Variants in GPATCH2L observed in about 807,000 individuals in gnomAD.
GPATCH2L encodes the protein G patch domain-containing protein 2-like.
Under a neutral mutation model 57.4 loss-of-function variants are expected in GPATCH2L, and 31 were observed. The ratio of observed to expected loss-of-function variants is 0.54; its 90% confidence interval spans 0.41 to 0.73. The LOEUF is 0.73. Ranked by LOEUF, GPATCH2L falls within the 30% of genes least tolerant of loss-of-function variation. The pLI is 0.00. For synonymous variants in GPATCH2L, 199 were observed against 210.7 expected (o/e 0.94, Z 0.48); for missense variants, 481 against 599.9 (o/e 0.80, Z 2.07).
intron 9 of GPATCH2L, chr14:76,196,580 G>GT (rs1268988749): frequency 6.3e-6 from 1 of 157,562 alleles, no homozygotes; most frequent in African/African-American, 2.4e-5. Flanking sequence ...GATGAACTTG[G>GT]TGGGGGTGTG....
rs556656240 is a variant in GPATCH2L, at chr14:76,200,885, C to T, written c.1289-806C>T. Reference sequence around the variant, plus strand: ...CCATATTTTAGTATATATTTGTTCTCAGCAGAGTGGGTAGAGATGATGGTG... The same window carrying T: ...CCATATTTTAGTATATATTTGTTCTTAGCAGAGTGGGTAGAGATGATGGTG... On this transcript the variant is annotated intron_variant, in intron 9 of 9. Coordinates refer to ENST00000261530, the MANE Select transcript of GPATCH2L (RefSeq NM_017926.4). Among the ~76,000 whole-genome samples the T allele has an allele frequency of 4.5e-4, 68 of 152,236 alleles. No homozygotes were observed. The South Asian group carries it at 0.011, about 25-fold the overall frequency.
chr14:76,173,678 G>C (rs530845364), intron 5 of GPATCH2L, 53 bp downstream of exon 5: 1 of 1,092,614 alleles, frequency 9.2e-7, no homozygotes, highest in Admixed American at 1.7e-5. Context: ...ATTCCCTATG[G>C]GAGTTGTGTA....
chr14:76,154,179 G>A lies in GPATCH2L; in HGVS notation c.-10-175G>A. On this transcript the variant is annotated intron_variant, in intron 1 of 9. Transcript: ENST00000261530. The surrounding 1 kb of genome is among the most constrained non-coding windows in gnomAD (Gnocchi z 4.4). Reference sequence around the variant, plus strand: ...TTTTAGTGACTTAAGGAAGTGGTAGGAACAGAATCTAAGTGTAGCCAGATG... The same window carrying A: ...TTTTAGTGACTTAAGGAAGTGGTAGAAACAGAATCTAAGTGTAGCCAGATG... The A allele has an allele frequency of 3.6e-6, 2 of 562,192 alleles. No individual in the cohort carries two copies. Among genetic ancestry groups the A allele is most frequent in the Non-Finnish European group, 6.2e-6 (2 of 321,206 alleles). The allele number at this position is 562,192 out of a possible 1,614,324, so 34.8% of individuals were successfully genotyped here. A position where few individuals can be genotyped will look rare whatever the true frequency, so the allele number is the denominator to read the frequency against.
At position 76,189,247 on chromosome 14, in the gene GPATCH2L, A is replaced by C. The variant is rs534480229; in HGVS notation, c.1194-6631A>C. ...TTTTCCTATCTCTGTGAAGAATGTC[A>C]CTGGTATTTTGATAGGGATTGCATT... On this transcript the variant is annotated intron_variant, in intron 8 of 9. Transcript: ENST00000261530. Among the ~76,000 whole-genome samples the C allele has an allele frequency of 2.4e-4, 37 of 152,152 alleles. 1 individual carries two copies. In the South Asian group the frequency reaches 7.5e-3, roughly 31 times the overall value.
At chr14:76,222,399 G>A (rs995355717) in intron 1 of GPATCH2L, among the ~76,000 whole-genome samples, 1 of 152,178 alleles carries the variant, frequency 6.6e-6, no homozygotes, top group African/African-American at 2.4e-5. Context: ...TTAAGTCCAG[G>A]AGTTCAAGAC....
intron 2 of GPATCH2L, 141 bp downstream of exon 2, chr14:76,155,166 GTTTAGCTTT>G (rs1056881490): frequency 4.9e-5 from 32 of 652,358 alleles, no homozygotes; most frequent in Non-Finnish European, 8.0e-5. Flanking sequence ...TCAATCAGTA[GTTTAGCTTT>G]TTAAGGTACC....
In GPATCH2L at chr14:76,194,484, A is replaced by AGTGTGTGTGTGTGTGTGT. The variant is rs59406744; in HGVS notation, c.1194-1390_1194-1373dup. ...AGCTTTTGCTATTTAGAGACATGAA[A>AGTGTGTGTGTGTGTGTGT]GTGTGTGTGTGTGTGTGTGTGCACG... On this transcript the variant is annotated intron_variant, in intron 8 of 9. Transcript: ENST00000261530. 5.7e-3 allele frequency among the ~76,000 whole-genome samples: 868 copies of AGTGTGTGTGTGTGTGTGT among 151,144 alleles called. 8 individuals are homozygous for AGTGTGTGTGTGTGTGTGT. The highest frequency in any genetic ancestry group is 0.015 in the African/African-American group (626 of 41,094).
intron 2 of GPATCH2L, among the ~76,000 whole-genome samples, chr14:76,157,187 T>G (rs1180837768): frequency 6.6e-6 from 1 of 152,216 alleles, no homozygotes; most frequent in Non-Finnish European, 1.5e-5. Flanking sequence ...CCCCTTGACT[T>G]GTCTCGATTC....
At chr14:76,190,197 A>G (rs2139773724) in intron 8 of GPATCH2L, among the ~76,000 whole-genome samples, 1 of 152,110 alleles carries the variant, frequency 6.6e-6, no homozygotes, top group African/African-American at 2.4e-5. Context: ...AGTTTTAACA[A>G]CTCACCTGAT....
intron 7 of GPATCH2L, 114 bp downstream of exon 7, chr14:76,178,156 A>T (rs2039414666): frequency 7.8e-7 from 1 of 1,289,210 alleles, no homozygotes; most frequent in East Asian, 2.4e-5. Flanking sequence ...TTCAACTGTG[A>T]TCATTAGTTT....
Position 76,172,886 on chromosome 14 carries a change from G to C in GPATCH2L, c.905-660G>C, listed in dbSNP as rs534635177. On this transcript the variant is annotated intron_variant, in intron 4 of 9. Transcript: ENST00000261530. ...CATGGCGAACCAGCAGTTGGTGCTT[G>C]GTAAAGACTAGCTGAGGCACACATT... Among the ~76,000 whole-genome samples the C allele has an allele frequency of 2.0e-4, 30 of 152,288 alleles. 1 individual carries two copies. The highest frequency in any genetic ancestry group is 6.7e-4 in the African/African-American group (28 of 41,554).
intron 3 of GPATCH2L, among the ~76,000 whole-genome samples, chr14:76,170,412 G>T (rs1445629442): frequency 6.6e-6 from 1 of 152,190 alleles, no homozygotes; most frequent in African/African-American, 2.4e-5. Context: ...ATAAACTCTA[G>T]TGGAAACTGA....
At position 76,180,832 on chromosome 14, in the gene GPATCH2L, A is replaced by C; in HGVS notation, c.1176A>C (p.Pro392=). ...LADASHRRCS[P]AHCSARQANV... ...ATGCTTCTCACCGAAGGTGTTCACC[A>C]GCACACTGCTCTGCCAGGTAATTGT... The change falls in exon 8 of 10, where the codon CCA becomes CCC. Residue 392 remains proline (P), a synonymous_variant. Coordinates refer to ENST00000261530, the MANE Select transcript of GPATCH2L (RefSeq NM_017926.4). 3 of 1,609,184 alleles carry C rather than the reference A, an allele frequency of 1.9e-6. No individual in the cohort carries two copies. Among genetic ancestry groups the C allele is most frequent in the Non-Finnish European group, 1.7e-6 (2 of 1,175,444 alleles).
Position 76,201,925 on chromosome 14 carries a change from T to C in GPATCH2L, c.*74T>C. 7.9e-7 allele frequency: 1 copy of C among 1,264,846 alleles called. No homozygotes were observed. 78.4% of individuals were successfully genotyped at this position (1,264,846 alleles called of 1,614,324 possible). On this transcript the variant is annotated 3_prime_UTR_variant, in exon 10 of 10. Coordinates refer to ENST00000261530, the MANE Select transcript of GPATCH2L (RefSeq NM_017926.4). ...ATGTTGGACTTTGTGTTAGATAGTC[T>C]TGCATATCTTAATCGACATTCCCAG...
intron 7 of GPATCH2L, chr14:76,179,230 A>G (rs1406043836): frequency 6.6e-6 from 1 of 152,188 alleles, no homozygotes; most frequent in East Asian, 1.9e-4. Flanking sequence ...TAGATGCCCA[A>G]TTTTTAAGTT....
chr14:76,203,560 G>A lies in GPATCH2L; in HGVS notation c.*1709G>A, dbSNP rs2040342247. The A allele has an allele frequency of 1.3e-5, 2 of 152,372 alleles. No homozygotes were observed. The highest frequency in any genetic ancestry group is 1.3e-4 in the Admixed American group (2 of 15,258). The allele number at this position is 152,372 out of a possible 1,614,324, so 9.4% of individuals were successfully genotyped here. Reference sequence around the variant, plus strand: ...TGCAGCAGTGTGTGTGCTTACAGGAGTGGAGATGATGGGATGGGAGAGTGC... The same window carrying A: ...TGCAGCAGTGTGTGTGCTTACAGGAATGGAGATGATGGGATGGGAGAGTGC... On this transcript the variant is annotated 3_prime_UTR_variant, in exon 10 of 10. Transcript: ENST00000261530.
chr14:76,173,355 T>C (rs1447729848), intron 4 of GPATCH2L, among the ~76,000 whole-genome samples, 191 bp from the exon 5 acceptor site: 1 of 152,032 alleles, frequency 6.6e-6, no homozygotes, highest in Non-Finnish European at 1.5e-5. Flanking sequence ...CAAAGGTAAA[T>C]GGCATGCCTG....
intron 2 of GPATCH2L, 144 bp downstream of exon 2, chr14:76,155,169 TAGCTTTTTA>T (rs1364846845): frequency 1.5e-6 from 1 of 646,186 alleles, no homozygotes; most frequent in Non-Finnish European, 2.6e-6. Context: ...ATCAGTAGTT[TAGCTTTTTA>T]AGGTACCATT....
At chr14:76,183,508 A>G (rs2039653382) in intron 8 of GPATCH2L, among the ~76,000 whole-genome samples, 1 of 152,238 alleles carries the variant, frequency 6.6e-6, no homozygotes, top group Admixed American at 6.5e-5. Context: ...TAAATTATAC[A>G]TATGTGTCTA....
Sources: gnomAD v4.1 joint callset for allele counts (sites outside exome capture counted in the v4.1 genomes callset) on GRCh38, gnomAD v4.1.1 for gene constraint, Gnocchi (gnomAD v3.1) non-coding constraint, MANE v1.5 for transcripts, NCBI Gene and HGNC (gene_info 2026-07-23, HGNC 2026-07-21) for gene names.